The following LNP1 variants were observed in gnomAD, a reference collection of about 807,000 sequenced individuals.
LNP1 encodes leukemia NUP98 fusion partner 1.
Under a neutral mutation model 14.5 loss-of-function variants are expected in LNP1, and 12 were observed. That is an observed-to-expected ratio of 0.83 (90% CI 0.53 to 1.34). LNP1 has a LOEUF of 1.34. Ranked by LOEUF, LNP1 falls within the 40% of genes most tolerant of loss-of-function variation. LNP1 has a pLI of 0.00. For synonymous variants in LNP1, 75 were observed against 71.4 expected (o/e 1.05, Z -0.26); for missense variants, 198 against 210.9 (o/e 0.94, Z 0.38).
intron 1 of LNP1, among the ~76,000 whole-genome samples, chr3:100,412,112 T>C: frequency 6.6e-6 from 1 of 152,160 alleles, no homozygotes; most frequent in East Asian, 1.9e-4. Context: ...GGCGCTGGCA[T>C]CTGTTTGGCT....
chr3:100,440,508 G>A (rs1051698258), intron 2 of LNP1, among the ~76,000 whole-genome samples: 1 of 152,056 alleles, frequency 6.6e-6, no homozygotes, highest in Non-Finnish European at 1.5e-5. Flanking sequence ...CTGTACTCCT[G>A]CCAGTGTTGG....
intron 2 of LNP1, among the ~76,000 whole-genome samples, chr3:100,431,966 A>G (rs1707245548): frequency 7.8e-6 from 1 of 127,520 alleles, no homozygotes; most frequent in African/African-American, 3.1e-5. Context: ...CTGCTTTCCA[A>G]CCTGGGTAAC....
chr3:100,416,585 T>G (rs1325450777), intron 1 of LNP1, among the ~76,000 whole-genome samples: 1 of 144,788 alleles, frequency 6.9e-6, no homozygotes, highest in Non-Finnish European at 1.5e-5. Context: ...AATAATACCT[T>G]GAGTATATCT....
rs562097624 is a variant in LNP1 at position 100,441,775 on chromosome 3, G to A, written c.157-9944G>A. Among the ~76,000 whole-genome samples the A allele has an allele frequency of 3.9e-5, 6 of 152,092 alleles. No individual in the cohort carries two copies. In the South Asian group the frequency reaches 1.2e-3, roughly 32 times the overall value. ...CCTCGTGAGTTCAGGTGATTCTTGTGCCTCAGCCTCCCGAGTAGCTGGGAT... is the reference window on the plus strand; with the variant it reads ...CCTCGTGAGTTCAGGTGATTCTTGTACCTCAGCCTCCCGAGTAGCTGGGAT... On this transcript the variant is annotated intron_variant, in intron 2 of 3. Coordinates refer to ENST00000383693, the MANE Select transcript of LNP1 (RefSeq NM_001085451.2).
Position 100,406,934 on chromosome 3 carries a change from C to T in LNP1, c.-34+4495C>T, listed in dbSNP as rs543873971. Among the ~76,000 whole-genome samples, 31 of 152,334 alleles carry T rather than the reference C, an allele frequency of 2.0e-4. No homozygotes were observed. The South Asian group carries it at 2.9e-3, about 14-fold the overall frequency. Reference sequence around the variant, plus strand: ...AACAAGTTAACTTTGATTATTTACACATACACATGCAAACTACACTTTAAC... The same window carrying T: ...AACAAGTTAACTTTGATTATTTACATATACACATGCAAACTACACTTTAAC... On this transcript the variant is annotated intron_variant, in intron 1 of 3. Coordinates refer to ENST00000383693, the MANE Select transcript of LNP1 (RefSeq NM_001085451.2).
Position 100,446,406 on chromosome 3 carries a change from G to A in LNP1, c.157-5313G>A, listed in dbSNP as rs546925884. 4.2e-3 allele frequency among the ~76,000 whole-genome samples: 645 copies of A among 152,256 alleles called. 3 individuals are homozygous for A. Among genetic ancestry groups the A allele is most frequent in the African/African-American group, 0.015 (614 of 41,556 alleles). The stretch of plus-strand genomic sequence containing the variant: ...AAAACTGGCTAGCCATATGTAGAAA[G>A]CTGAAACTGGATCCCTTCCTGACAC... On this transcript the variant is annotated intron_variant, in intron 2 of 3. Transcript: ENST00000383693.
chr3:100,420,278 G>A (rs964494702), intron 1 of LNP1, among the ~76,000 whole-genome samples: 6 of 152,118 alleles, frequency 3.9e-5, no homozygotes, highest in African/African-American at 1.4e-4. Context: ...TTGTTTTCTT[G>A]TTTTCTTTTC....
At chr3:100,449,000 T>G (rs1248597709) in intron 2 of LNP1, among the ~76,000 whole-genome samples, 1 of 152,224 alleles carries the variant, frequency 6.6e-6, no homozygotes, top group Non-Finnish European at 1.5e-5. Context: ...AAAACTTACA[T>G]TATCAGATAT....
intron 1 of LNP1, among the ~76,000 whole-genome samples, chr3:100,425,580 A>C (rs566768964): frequency 6.6e-6 from 1 of 152,202 alleles, no homozygotes; most frequent in South Asian, 2.1e-4. Context: ...CTTCTTTGCT[A>C]TTATGCAATA....
In LNP1 at chr3:100,446,678, A is replaced by G. The variant is rs566533058; in HGVS notation, c.157-5041A>G. ...GTGAAGAGGCAACCTACAGAATGGG[A>G]GAAAATTTTTGTAATCTACCCATCT... On this transcript the variant is annotated intron_variant, in intron 2 of 3. Transcript: ENST00000383693. Among the ~76,000 whole-genome samples, 7 of 152,352 alleles carry G rather than the reference A, an allele frequency of 4.6e-5. No individual in the cohort carries two copies. The South Asian group carries it at 1.4e-3, about 32-fold the overall frequency.
At chr3:100,438,915 T>C (rs1707317179) in intron 2 of LNP1, among the ~76,000 whole-genome samples, 1 of 152,196 alleles carries the variant, frequency 6.6e-6, no homozygotes, top group African/African-American at 2.4e-5. Context: ...TTTTAGGTCT[T>C]ATTGGGGAAA....
chr3:100,454,459 A>C (rs1445973338), intron 3 of LNP1, among the ~76,000 whole-genome samples: 3 of 152,220 alleles, frequency 2.0e-5, no homozygotes, highest in Admixed American at 6.5e-5. Flanking sequence ...AAAATGATTT[A>C]TATCGTCTTT....
intron 2 of LNP1, among the ~76,000 whole-genome samples, chr3:100,443,969 T>C (rs1707366330): frequency 6.6e-6 from 1 of 152,212 alleles, no homozygotes; most frequent in African/African-American, 2.4e-5. Flanking sequence ...TTCTTGACTC[T>C]GAAAAACAAA....
chr3:100,420,264 TG>T (rs1707130737), intron 1 of LNP1, among the ~76,000 whole-genome samples: 1 of 152,198 alleles, frequency 6.6e-6, no homozygotes, highest in African/African-American at 2.4e-5. Flanking sequence ...TTGATGTCAT[TG>T]GCTTGTTTTC....
intron 2 of LNP1, among the ~76,000 whole-genome samples, chr3:100,441,787 C>T (rs1032482242): frequency 2.0e-5 from 3 of 151,940 alleles, no homozygotes; most frequent in Admixed American, 6.6e-5. Flanking sequence ...CTCAGCCTCC[C>T]GAGTAGCTGG....
chr3:100,439,700 G>T (rs528229585), intron 2 of LNP1, among the ~76,000 whole-genome samples: 2 of 151,982 alleles, frequency 1.3e-5, no homozygotes, highest in Non-Finnish European at 2.9e-5. Context: ...AGCCAAGGAC[G>T]TAGGCACATG....
At chr3:100,421,170 T>C (rs1707140793) in intron 1 of LNP1, among the ~76,000 whole-genome samples, 1 of 152,172 alleles carries the variant, frequency 6.6e-6, no homozygotes. Context: ...AAACTGTGGA[T>C]GTTCAATTGC....
At chr3:100,415,692 G>T (rs758385210) in intron 1 of LNP1, among the ~76,000 whole-genome samples, 1 of 152,086 alleles carries the variant, frequency 6.6e-6, no homozygotes, top group African/African-American at 2.4e-5. Context: ...GGGCACCATC[G>T]CTTGTAATAG....
In LNP1 at chr3:100,429,669, G is replaced by A. The variant is rs1358291224; in HGVS notation, c.-33-28G>A. The stretch of plus-strand genomic sequence containing the variant: ...CCTGGGTTTCATTGTCAGCCCTGTT[G>A]GGTGATATTTCCCTCTGTCGCATTT... On this transcript the variant is annotated intron_variant, in intron 1 of 3. Transcript: ENST00000383693. 4 of 1,458,914 alleles carry A rather than the reference G, an allele frequency of 2.7e-6. No individual in the cohort carries two copies. In the East Asian group the frequency reaches 9.2e-5, roughly 33 times the overall value. 90.4% of individuals were successfully genotyped at this position (1,458,914 alleles called of 1,614,324 possible).
Sources: allele counts gnomAD v4.1 joint callset (sites outside exome capture counted in the v4.1 genomes callset), GRCh38; gene constraint gnomAD v4.1.1; transcripts MANE v1.5; gene names NCBI Gene and HGNC (gene_info 2026-07-23, HGNC 2026-07-21).